The following NDRG3 variants were observed in gnomAD, a reference collection of about 807,000 sequenced individuals.
NDRG3 encodes the protein protein NDRG3.
In NDRG3, 23 loss-of-function variants were observed where a neutral mutation model predicts 57.2. The observed-to-expected ratio is 0.40, with a 90% CI of 0.29 to 0.57. The LOEUF (loss-of-function observed/expected upper bound fraction) is 0.57. Among genes scored for constraint, NDRG3 ranks in the 20% least tolerant of loss-of-function variants. The pLI, the probability that NDRG3 is intolerant of heterozygous loss-of-function variation, is 0.42. For missense variants in NDRG3, 384 were observed against 457.3 expected (o/e 0.84, Z 1.46); for synonymous variants, 132 against 162.6 (o/e 0.81, Z 1.43).
intron 3 of NDRG3, chr20:36,700,765 TTTCC>T: frequency 5.5e-6 from 1 of 181,390 alleles, no homozygotes; most frequent in South Asian, 1.0e-4. Context: ...TTTCTTTGCT[TTTCC>T]TTTTCTTTCT....
chr20:36,707,853 G>A (rs1330110887), intron 2 of NDRG3, among the ~76,000 whole-genome samples: 1 of 152,164 alleles, frequency 6.6e-6, no homozygotes, highest in Non-Finnish European at 1.5e-5. Context: ...GGAGGCTGAG[G>A]CAGGCAGATC....
Position 36,690,435 on chromosome 20 carries a change from G to C in NDRG3, c.94-1651C>G, listed in dbSNP as rs1476158651. Among the ~76,000 whole-genome samples, 288 of 124,750 alleles carry C rather than the reference G, an allele frequency of 2.3e-3. 1 individual carries two copies. The highest frequency in any genetic ancestry group is 8.4e-3 in the African/African-American group (250 of 29,802). 81.8% of individuals were successfully genotyped at this position (124,750 alleles called of 152,430 possible). A position where few individuals can be genotyped will look rare whatever the true frequency, so the allele number is the denominator to read the frequency against. On this transcript the variant is annotated intron_variant, in intron 3 of 15. Transcript: ENST00000349004. Reference sequence around the variant, plus strand: ...GACAAAAGATGCACCGAGCAAAGCTGAGGAACCCAATAGAGCAGACAAAAG... The same window carrying C: ...GACAAAAGATGCACCGAGCAAAGCTCAGGAACCCAATAGAGCAGACAAAAG...
chr20:36,743,141 C>T (rs1188622402), intron 1 of NDRG3, among the ~76,000 whole-genome samples: 2 of 152,180 alleles, frequency 1.3e-5, no homozygotes, highest in African/African-American at 4.8e-5. Context: ...ATCGAAATAG[C>T]ATATACCAAC....
intron 8 of NDRG3, among the ~76,000 whole-genome samples, chr20:36,675,059 ATTTTTTT>A (rs34154196): frequency 9.9e-6 from 1 of 101,208 alleles, no homozygotes; most frequent in Non-Finnish European, 2.0e-5. Context: ...CACAACTGGC[ATTTTTTT>A]TTTTTTTTTT....
intron 8 of NDRG3, among the ~76,000 whole-genome samples, chr20:36,675,205 A>G (rs1980569906): frequency 6.6e-6 from 1 of 150,788 alleles, no homozygotes; most frequent in Non-Finnish European, 1.5e-5. Flanking sequence ...GATTACAGAC[A>G]TGTGCCACCA....
At chr20:36,718,289 T>C (rs1484009896) in intron 2 of NDRG3, among the ~76,000 whole-genome samples, 1 of 152,226 alleles carries the variant, frequency 6.6e-6, no homozygotes, top group Non-Finnish European at 1.5e-5. Context: ...GCCTCTTGCC[T>C]ATCTACCTGC....
At chr20:36,742,143 C>G (rs1207899870) in intron 1 of NDRG3, among the ~76,000 whole-genome samples, 2 of 152,116 alleles carry the variant, frequency 1.3e-5, no homozygotes, top group Non-Finnish European at 2.9e-5. Flanking sequence ...TACAGCTAGT[C>G]CCCCTACCAT....
chr20:36,702,285 C>T (rs1031827239), intron 3 of NDRG3, among the ~76,000 whole-genome samples: 11 of 151,588 alleles, frequency 7.3e-5, no homozygotes, highest in East Asian at 2.0e-4. Context: ...CACAGGTGCC[C>T]GCCACTATGC....
chr20:36,733,410 T>C (rs904046968), intron 1 of NDRG3, among the ~76,000 whole-genome samples: 21 of 151,848 alleles, frequency 1.4e-4, no homozygotes, highest in African/African-American at 5.1e-4. Context: ...TTGGCAAGAT[T>C]GCAGACAGAC....
intron 3 of NDRG3, among the ~76,000 whole-genome samples, chr20:36,706,011 C>T (rs1315617366): frequency 6.6e-6 from 1 of 152,158 alleles, no homozygotes; most frequent in Non-Finnish European, 1.5e-5. Flanking sequence ...TCCCAAAGTG[C>T]TGAGATTACA....
intron 1 of NDRG3, among the ~76,000 whole-genome samples, chr20:36,741,685 T>C (rs1433096415): frequency 6.6e-6 from 1 of 152,098 alleles, no homozygotes; most frequent in Non-Finnish European, 1.5e-5. Context: ...TTGAAACAAG[T>C]TATTTGACAG....
chr20:36,704,124 T>C (rs1600928174), intron 3 of NDRG3, among the ~76,000 whole-genome samples: 1 of 152,202 alleles, frequency 6.6e-6, no homozygotes, highest in Non-Finnish European at 1.5e-5. Context: ...TTGCCCAGGC[T>C]GGAGTGCAGT....
chr20:36,673,394 ATTTG>A (rs1980354836), intron 8 of NDRG3, among the ~76,000 whole-genome samples: 1 of 151,992 alleles, frequency 6.6e-6, no homozygotes, highest in African/African-American at 2.4e-5. Context: ...AAAAGACATC[ATTTG>A]TTTGTTTTCT....
Position 36,653,354 on chromosome 20 carries a change from G to C in NDRG3, c.*166C>G. The C allele has an allele frequency of 1.7e-6, 1 of 600,090 alleles. No homozygotes were observed. The highest frequency in any genetic ancestry group is 2.4e-5 in the South Asian group (1 of 42,454). 37.2% of individuals were successfully genotyped at this position (600,090 alleles called of 1,614,324 possible). On this transcript the variant is annotated 3_prime_UTR_variant, in exon 16 of 16. Coordinates refer to ENST00000349004, the MANE Select transcript of NDRG3 (RefSeq NM_032013.4). The surrounding 1 kb of genome is among the most constrained non-coding windows in gnomAD (Gnocchi z 4.2). ...AGTGGTTCTTGGGCTATACAAAAAA[G>C]GGGGTGGGCAGGCAGAGAGAATGAT...
At chr20:36,667,092 A>G (rs979299177) in intron 9 of NDRG3, among the ~76,000 whole-genome samples, 9 of 152,140 alleles carry the variant, frequency 5.9e-5, no homozygotes, top group Non-Finnish European at 1.3e-4. Flanking sequence ...GCACCTGGCT[A>G]CATTTCTTTT....
chr20:36,695,228 G>A (rs1053937212), intron 3 of NDRG3, among the ~76,000 whole-genome samples: 1 of 152,144 alleles, frequency 6.6e-6, no homozygotes, highest in Non-Finnish European at 1.5e-5. Flanking sequence ...CGTAAGCTGA[G>A]GATGTATGTC....
At chr20:36,717,376 A>T (rs548761540) in intron 2 of NDRG3, among the ~76,000 whole-genome samples, 1 of 152,334 alleles carries the variant, frequency 6.6e-6, no homozygotes, top group Admixed American at 6.5e-5. Context: ...AGGATGCAGC[A>T]ATGTCTTCAG....
At chr20:36,672,909 G>C (rs1460843664) in intron 8 of NDRG3, among the ~76,000 whole-genome samples, 1 of 152,038 alleles carries the variant, frequency 6.6e-6, no homozygotes, top group Non-Finnish European at 1.5e-5. Context: ...TGTCACCCAG[G>C]CTGGAGTGCA....
chr20:36,683,665 C>T (rs1005053766), intron 6 of NDRG3, among the ~76,000 whole-genome samples: 4,123 of 146,114 alleles, frequency 0.028, 242 homozygotes, highest in African/African-American at 0.1. Flanking sequence ...TGTATATATA[C>T]ATATATATAT....
Sources: gnomAD v4.1 joint callset for allele counts (sites outside exome capture counted in the v4.1 genomes callset) on GRCh38, gnomAD v4.1.1 for gene constraint, Gnocchi (gnomAD v3.1) non-coding constraint, MANE v1.5 for transcripts, NCBI Gene and HGNC (gene_info 2026-07-23, HGNC 2026-07-21) for gene names.